The following PPP1R7 variants were observed in gnomAD, a reference collection of about 807,000 sequenced individuals.
PPP1R7 encodes the protein protein phosphatase 1 regulatory subunit 22.
Under a neutral mutation model 45.2 loss-of-function variants are expected in PPP1R7, and 18 were observed. That is an observed-to-expected ratio of 0.40 (90% CI 0.28 to 0.59). The LOEUF (loss-of-function observed/expected upper bound fraction) is 0.59, where lower values mean the gene tolerates loss of function less well. PPP1R7 is among the 20% of genes least tolerant of loss of function. The pLI is 0.46. For missense variants in PPP1R7, 314 were observed against 455.8 expected (o/e 0.69, Z 2.83); for synonymous variants, 181 against 183.4 (o/e 0.99, Z 0.11).
At chr2:241,168,750 G>A (rs1312373899) in intron 8 of PPP1R7, among the ~76,000 whole-genome samples, 1 of 152,232 alleles carries the variant, frequency 6.6e-6, no homozygotes, top group Non-Finnish European at 1.5e-5. Context: ...CAGCAAGGGT[G>A]GTACAGCCAG....
At chr2:241,182,269 G>T (rs180890598) in intron 9 of PPP1R7, among the ~76,000 whole-genome samples, 20 of 152,360 alleles carry the variant, frequency 1.3e-4, no homozygotes, top group African/African-American at 4.8e-4. Context: ...GGCGCAGAGT[G>T]CAGCCTTGGG....
At chr2:241,151,469 AAT>A (rs2067301954) in intron 1 of PPP1R7, 1 of 471,134 alleles carries the variant, frequency 2.1e-6, no homozygotes, top group East Asian at 6.9e-5. Flanking sequence ...GAGCCTGAAG[AAT>A]AACTCGAAGG....
At chr2:241,151,217 G>A (rs999610846) in intron 1 of PPP1R7, among the ~76,000 whole-genome samples, 3 of 152,320 alleles carry the variant, frequency 2.0e-5, no homozygotes, top group African/African-American at 7.2e-5. Flanking sequence ...TACAGTATGT[G>A]TGTAAAAATG....
At chr2:241,172,021 G>T (rs1004980963) in intron 9 of PPP1R7, among the ~76,000 whole-genome samples, 2 of 152,142 alleles carry the variant, frequency 1.3e-5, no homozygotes, top group African/African-American at 4.8e-5. Flanking sequence ...TCTTTAGACT[G>T]CTTACATTTA....
rs187186841 is a variant in PPP1R7, at chr2:241,180,225, T to C, written c.907-2422T>C. Among the ~76,000 whole-genome samples the C allele has an allele frequency of 3.4e-3, 518 of 152,122 alleles. 3 individuals are homozygous for C. The highest frequency in any genetic ancestry group is 7.9e-3 in the Admixed American group (120 of 15,286). ...AGAAAATCTTACTTCTTCCAAACAG[T>C]GTGATATTGCTACTTTCATTAAATG... On this transcript the variant is annotated intron_variant, in intron 9 of 9. Transcript: ENST00000234038.
chr2:241,163,199 T>C (rs2149058284), intron 6 of PPP1R7, 86 bp from the exon 7 acceptor site: 1 of 795,150 alleles, frequency 1.3e-6, no homozygotes. Flanking sequence ...GAAGCCCACA[T>C]AGCTCTGCCC....
chr2:241,170,553 C>T (rs528636531), intron 9 of PPP1R7, among the ~76,000 whole-genome samples: 14 of 152,326 alleles, frequency 9.2e-5, no homozygotes, highest in Non-Finnish European at 1.6e-4. Flanking sequence ...GCAGAGACTG[C>T]GGCACAGGTG....
chr2:241,149,946 C>T, upstream of PPP1R7: 3 of 1,426,280 alleles, frequency 2.1e-6, no homozygotes, highest in South Asian at 1.5e-5. Flanking sequence ...CAAGAGAAGG[C>T]GGCATTTCGC....
In PPP1R7 at chr2:241,159,278, A is replaced by G. The variant is rs764795883; in HGVS notation, c.369A>G (p.Arg123=). ...IENLEELQSL[R]ELDLYDNQIK... Reference sequence around the variant, plus strand: ...ATCTGGAGGAGCTACAGAGTCTTCGAGAGCTGGATCTTTACGACAACCAGA... The same window carrying G: ...ATCTGGAGGAGCTACAGAGTCTTCGGGAGCTGGATCTTTACGACAACCAGA... The change falls in exon 5 of 10, where the codon CGA becomes CGG. Residue 123 remains arginine (R), a synonymous_variant. Coordinates refer to ENST00000234038, the MANE Select transcript of PPP1R7 (RefSeq NM_002712.3). 1 of 1,613,900 alleles carries G rather than the reference A, an allele frequency of 6.2e-7. No homozygotes were observed. Among genetic ancestry groups the G allele is most frequent in the South Asian group, 1.1e-5 (1 of 91,068 alleles).
rs2068043160 is a variant in PPP1R7, at chr2:241,183,398, C to G, written c.*575C>G. Reference sequence around the variant, plus strand: ...CCTTAGAGCTCTCCTTCAAAGAGCGCCGGGCAGGGCTGACTGTTTTCACGT... The same window carrying G: ...CCTTAGAGCTCTCCTTCAAAGAGCGGCGGGCAGGGCTGACTGTTTTCACGT... On this transcript the variant is annotated 3_prime_UTR_variant, in exon 10 of 10. Transcript: ENST00000234038. 2.1e-6 allele frequency: 1 copy of G among 471,076 alleles called. No individual in the cohort carries two copies. Among genetic ancestry groups the G allele is most frequent in the Admixed American group, 2.4e-5 (1 of 42,550 alleles). 29.2% of individuals were successfully genotyped at this position (471,076 alleles called of 1,614,324 possible). A position where few individuals can be genotyped will look rare whatever the true frequency, so the allele number is the denominator to read the frequency against.
chr2:241,174,714 G>C (rs7577591), intron 9 of PPP1R7, among the ~76,000 whole-genome samples: 66,966 of 148,910 alleles, frequency 0.45, 15,247 homozygotes, highest in East Asian at 0.64. Flanking sequence ...TTGCTCTGTC[G>C]CCCAGGCTGG....
At chr2:241,181,614 G>C (rs2268899) in intron 9 of PPP1R7, among the ~76,000 whole-genome samples, 1 of 152,056 alleles carries the variant, frequency 6.6e-6, no homozygotes, top group African/African-American at 2.4e-5. Context: ...CCCCCCAGTC[G>C]GACCACAGCT....
chr2:241,182,511 C>T, intron 9 of PPP1R7, 136 bp from the exon 10 acceptor site: 1 of 1,067,594 alleles, frequency 9.4e-7, no homozygotes. Flanking sequence ...ATGGAAGGTC[C>T]CATGAGGTGC....
intron 2 of PPP1R7, among the ~76,000 whole-genome samples, chr2:241,155,612 A>G (rs2067437711): frequency 6.6e-6 from 1 of 152,226 alleles, no homozygotes; most frequent in South Asian, 2.1e-4. Flanking sequence ...ACCTTGTTTC[A>G]GAGGTTAGCT....
chr2:241,162,537 G>C (rs1318644890), intron 6 of PPP1R7, among the ~76,000 whole-genome samples: 2 of 152,166 alleles, frequency 1.3e-5, no homozygotes, highest in African/African-American at 2.4e-5. Flanking sequence ...AGTGATGTAG[G>C]AGGGTGTGGA....
chr2:241,181,943 C>T (rs1005707337), intron 9 of PPP1R7, among the ~76,000 whole-genome samples: 1 of 151,828 alleles, frequency 6.6e-6, no homozygotes, highest in Non-Finnish European at 1.5e-5. Context: ...ACTGGCTCCC[C>T]TTGTTCTGGA....
rs757151429 is a variant in PPP1R7 at position 241,182,866 on chromosome 2, T to C, written c.*43T>C. The C allele has an allele frequency of 4.4e-6, 7 of 1,586,652 alleles. No homozygotes were observed. In the Admixed American group the frequency reaches 1.2e-4, roughly 27 times the overall value. ...ATGTGGTCCCTCTCCTCGGAAGAACTGCCCAGCCACGGGTTTTTAACCCAC... is the reference window on the plus strand; with the variant it reads ...ATGTGGTCCCTCTCCTCGGAAGAACCGCCCAGCCACGGGTTTTTAACCCAC... On this transcript the variant is annotated 3_prime_UTR_variant, in exon 10 of 10. Coordinates refer to ENST00000234038, the MANE Select transcript of PPP1R7 (RefSeq NM_002712.3).
intron 5 of PPP1R7, 130 bp downstream of exon 5, chr2:241,159,473 C>G: frequency 8.4e-7 from 1 of 1,192,344 alleles, no homozygotes; most frequent in East Asian, 2.8e-5. Flanking sequence ...GGGTCCTGCC[C>G]TGCATCTGAA....
chr2:241,174,678 C>CTT (rs60135098), intron 9 of PPP1R7, among the ~76,000 whole-genome samples: 5 of 144,814 alleles, frequency 3.5e-5, no homozygotes, highest in Non-Finnish European at 6.1e-5. Context: ...ATTTTATCCT[C>CTT]TTTTTTTTTT....
Sources: gnomAD v4.1 joint callset for allele counts (sites outside exome capture counted in the v4.1 genomes callset) on GRCh38, gnomAD v4.1.1 for gene constraint, MANE v1.5 for transcripts, NCBI Gene and HGNC (gene_info 2026-07-23, HGNC 2026-07-21) for gene names.